RPA1: variants seen among roughly 807,000 people sequenced by gnomAD.
RPA1 encodes the protein replication protein A 70 kDa DNA-binding subunit.
RPA1 carries 49 observed loss-of-function variants against 83.0 expected under a neutral mutation model. The ratio of observed to expected loss-of-function variants is 0.59; its 90% CI spans 0.47 to 0.75. The LOEUF is 0.75. Ranked by LOEUF, RPA1 falls within the 30% of genes least tolerant of loss-of-function variation. The probability of loss-of-function intolerance (pLI) is 0.00; values close to 1 mark genes in which losing one functional copy is unlikely to be tolerated. For synonymous variants in RPA1, 279 were observed against 281.8 expected, an observed-to-expected ratio of 0.99 and a Z score of 0.10; for missense variants, 693 against 776.1, an observed-to-expected ratio of 0.89 and a Z score of 1.27.
Position 1,899,112 on chromosome 17 carries a change from G to C in RPA1, c.*1937G>C. On this transcript the variant is annotated 3_prime_UTR_variant, in exon 17 of 17. Coordinates refer to ENST00000254719, the MANE Select transcript of RPA1 (RefSeq NM_002945.5). Reference sequence around the variant, plus strand: ...CGTGATGAAACCAGCACGTCTCCGTGGATGTGATTGGGAACCCAGGGGCAG... The same window carrying C: ...CGTGATGAAACCAGCACGTCTCCGTCGATGTGATTGGGAACCCAGGGGCAG... 6.5e-6 allele frequency: 1 copy of C among 152,902 alleles called. No homozygotes were observed. The highest frequency in any genetic ancestry group is 2.1e-4 in the South Asian group (1 of 4,832). The allele number at this position is 152,902 out of a possible 1,614,324, so 9.5% of individuals were successfully genotyped here. A position where few individuals can be genotyped will look rare whatever the true frequency, so the allele number is the denominator to read the frequency against.
At chr17:1,834,621 G>A (rs1486078142) in intron 1 of RPA1, among the ~76,000 whole-genome samples, 1 of 152,138 alleles carries the variant, frequency 6.6e-6, no homozygotes, top group African/African-American at 2.4e-5. Context: ...GAACTCTTGT[G>A]GTCAACAGAA....
chr17:1,837,919 T>C (rs1212720367), intron 1 of RPA1, among the ~76,000 whole-genome samples: 1 of 152,212 alleles, frequency 6.6e-6, no homozygotes, highest in Non-Finnish European at 1.5e-5. Context: ...TAAATTTTCA[T>C]GAAGTCCAAG....
intron 5 of RPA1, chr17:1,858,095 C>T: frequency 6.2e-7 from 1 of 1,613,592 alleles, no homozygotes; most frequent in Non-Finnish European, 8.5e-7. Context: ...ACAACCACTC[C>T]AGACTGGTAT....
rs1013005501 is a variant in RPA1 at position 1,898,625 on chromosome 17, C to T, written c.*1450C>T. ...TGATGGTGTCCTGTCTGTCTCCCCC[C>T]TCGGTGTCTGCCGTTGACATAGGGG... On this transcript the variant is annotated 3_prime_UTR_variant, in exon 17 of 17. Coordinates refer to ENST00000254719, the MANE Select transcript of RPA1 (RefSeq NM_002945.5). The T allele has an allele frequency of 1.3e-5, 2 of 152,264 alleles. No individual in the cohort carries two copies. Among genetic ancestry groups the T allele is most frequent in the Admixed American group, 6.5e-5 (1 of 15,288 alleles). 9.4% of individuals were successfully genotyped at this position (152,264 alleles called of 1,614,324 possible). A position where few individuals can be genotyped will look rare whatever the true frequency, so the allele number is the denominator to read the frequency against.
At chr17:1,863,472 CAA>C (rs1048796044) in intron 5 of RPA1, among the ~76,000 whole-genome samples, 32 of 152,264 alleles carry the variant, frequency 2.1e-4, no homozygotes, top group African/African-American at 7.5e-4. Flanking sequence ...CTTGGCCTCC[CAA>C]AGTGTTGGGA....
At chr17:1,849,846 C>G (rs928347356) in intron 4 of RPA1, among the ~76,000 whole-genome samples, 1 of 152,068 alleles carries the variant, frequency 6.6e-6, no homozygotes, top group Non-Finnish European at 1.5e-5. Context: ...TTTACTACAT[C>G]TTGATATGAT....
intron 14 of RPA1, chr17:1,891,586 ATT>A: frequency 4.8e-6 from 1 of 207,350 alleles, no homozygotes; most frequent in African/African-American, 2.3e-5. Context: ...TGCCTGGCTA[ATT>A]TTTGTATTTT....
At chr17:1,874,825 A>G (rs919011353) in intron 6 of RPA1, among the ~76,000 whole-genome samples, 2 of 152,260 alleles carry the variant, frequency 1.3e-5, no homozygotes, top group African/African-American at 2.4e-5. Flanking sequence ...GGTGTGGCAC[A>G]TGCCGTGGAA....
At chr17:1,862,228 G>A (rs1913008249) in intron 5 of RPA1, among the ~76,000 whole-genome samples, 1 of 123,388 alleles carries the variant, frequency 8.1e-6, no homozygotes, top group African/African-American at 3.4e-5. Flanking sequence ...TTGTAGCGAT[G>A]GAGTCTATGT....
chr17:1,883,453 G>A (rs556169429), intron 12 of RPA1, among the ~76,000 whole-genome samples: 9 of 152,080 alleles, frequency 5.9e-5, no homozygotes, highest in Admixed American at 2.0e-4. Context: ...GAGCCACTGC[G>A]CCCAGCCTAA....
rs1234370338 is a variant in RPA1, at chr17:1,884,093, G to A, written c.1374+149G>A. 3.6e-6 allele frequency: 4 copies of A among 1,099,022 alleles called. No individual in the cohort carries two copies. Among genetic ancestry groups the A allele is most frequent in the Non-Finnish European group, 5.2e-6 (4 of 772,944 alleles). 68.1% of individuals were successfully genotyped at this position (1,099,022 alleles called of 1,614,324 possible). On this transcript the variant is annotated intron_variant, in intron 13 of 16. Coordinates refer to ENST00000254719, the MANE Select transcript of RPA1 (RefSeq NM_002945.5). This position sits in a 1 kb window ranked among gnomAD's most constrained non-coding sequence, Gnocchi z 4.1. Reference sequence around the variant, plus strand: ...CGTGGCATGGGGGTTGAGAATCACTGGCAGAGGGAAGCAGCCAGGTGTGCT... The same window carrying A: ...CGTGGCATGGGGGTTGAGAATCACTAGCAGAGGGAAGCAGCCAGGTGTGCT...
chr17:1,886,835 G>A (rs1168048653), intron 13 of RPA1, among the ~76,000 whole-genome samples: 5 of 151,374 alleles, frequency 3.3e-5, no homozygotes, highest in African/African-American at 1.2e-4. Context: ...TGCCCTGACA[G>A]ATTTTTGTAG....
rs1429458685 is a variant in RPA1 at position 1,844,635 on chromosome 17, A to G, written c.221A>G (p.Asn74Ser). ...PLVEEEQLSS[N>S]CVCQIHRFIV... ...GTGGAGGAAGAACAATTGTCCAGCA[A>G]CTGTGTATGCCAGATTCACAGATTT... The change falls in exon 4 of 17, where the codon AAC becomes AGC. Residue 74 changes from asparagine to serine, a missense_variant. Transcript: ENST00000254719. 1 of 1,613,890 alleles carries G rather than the reference A, an allele frequency of 6.2e-7. No homozygotes were observed. The highest frequency in any genetic ancestry group is 1.7e-5 in the Admixed American group (1 of 59,992).
intron 1 of RPA1, among the ~76,000 whole-genome samples, chr17:1,836,167 A>T (rs879817477): frequency 1.1e-4 from 17 of 152,004 alleles, no homozygotes; most frequent in Admixed American, 1.1e-3. Context: ...CCTGGAGTGC[A>T]GTGGCGTGAT....
chr17:1,890,010 G>A (rs1012489382), intron 14 of RPA1, among the ~76,000 whole-genome samples: 1 of 151,738 alleles, frequency 6.6e-6, no homozygotes, highest in Non-Finnish European at 1.5e-5. Flanking sequence ...CAAGAAAAGA[G>A]AAAAAGAAAA....
chr17:1,883,905 G>T lies in RPA1; in HGVS notation c.1335G>T (p.Leu445Phe). The change falls in exon 13 of 17, where the codon TTG (leucine) becomes TTT (phenylalanine). Residue 445 changes from leucine (L) to phenylalanine (F), a missense_variant. By Grantham distance (22) the Leu-to-Phe change is conservative (BLOSUM62 0). Coordinates refer to ENST00000254719, the MANE Select transcript of RPA1 (RefSeq NM_002945.5). Reference protein sequence around the residue: ...VGGSNTNWKTLYEVKSENLGQ... With the variant: ...VGGSNTNWKTFYEVKSENLGQ... ...GGAGTAACACCAACTGGAAAACCTTGTATGAGGTCAAATCCGAGAACCTGG... is the reference window on the plus strand; with the variant it reads ...GGAGTAACACCAACTGGAAAACCTTTTATGAGGTCAAATCCGAGAACCTGG... The T allele has an allele frequency of 6.2e-7, 1 of 1,614,150 alleles. No homozygotes were observed. The highest frequency in any genetic ancestry group is 8.5e-7 in the Non-Finnish European group (1 of 1,180,030).
chr17:1,876,255 C>T (rs979980579), intron 7 of RPA1, among the ~76,000 whole-genome samples: 6 of 152,034 alleles, frequency 3.9e-5, no homozygotes, highest in African/African-American at 1.2e-4. Flanking sequence ...GACTTTTTTC[C>T]ACCAAAAATT....
intron 14 of RPA1, among the ~76,000 whole-genome samples, chr17:1,889,873 G>A (rs182836580): frequency 1.6e-3 from 239 of 151,914 alleles, no homozygotes; most frequent in Middle Eastern, 6.8e-3. Context: ...GGTGGCGGGT[G>A]CCTGTAGTCC....
chr17:1,838,324 C>T (rs1911901605), intron 1 of RPA1, among the ~76,000 whole-genome samples: 1 of 151,058 alleles, frequency 6.6e-6, no homozygotes, highest in African/African-American at 2.4e-5. Context: ...ATAAAAACAG[C>T]AGGGTGCAGT....
Sources: allele counts gnomAD v4.1 joint callset (sites outside exome capture counted in the v4.1 genomes callset), GRCh38; gene constraint gnomAD v4.1.1; non-coding constraint Gnocchi (gnomAD v3.1); transcripts MANE v1.5; gene names NCBI Gene and HGNC (gene_info 2026-07-23, HGNC 2026-07-21).